AUTS2: variants seen among roughly 807,000 people sequenced by gnomAD.
AUTS2 encodes autism susceptibility gene 2 protein.
In AUTS2, 17 loss-of-function variants were observed where a neutral mutation model predicts 112.4. The observed-to-expected ratio is 0.15, with a 90% CI of 0.10 to 0.23. AUTS2 has a LOEUF of 0.23. Ranked by LOEUF, AUTS2 falls within the 10% of genes least tolerant of loss-of-function variation. The probability of loss-of-function intolerance (pLI) is 1.00; values close to 1 mark genes in which losing one functional copy is unlikely to be tolerated. For synonymous variants in AUTS2, 751 were observed against 702.7 expected, an observed-to-expected ratio of 1.07 and a Z score of -1.09; for missense variants, 1,510 against 1,701.6, an observed-to-expected ratio of 0.89 and a Z score of 1.98.
intron 4 of AUTS2, among the ~76,000 whole-genome samples, chr7:70,142,882 C>G (rs1427900136): frequency 6.6e-6 from 1 of 152,068 alleles, no homozygotes; most frequent in Non-Finnish European, 1.5e-5. Context: ...TTTGTTGATA[C>G]AAGCTATGTA....
At chr7:70,421,073 C>T (rs1053024954) in intron 4 of AUTS2, among the ~76,000 whole-genome samples, 1 of 152,072 alleles carries the variant, frequency 6.6e-6, no homozygotes, top group South Asian at 2.1e-4. Flanking sequence ...TACATTTCAC[C>T]TTCACCTTTA....
At chr7:70,106,264 C>T (rs1263595664) in intron 2 of AUTS2, among the ~76,000 whole-genome samples, 2 of 152,178 alleles carry the variant, frequency 1.3e-5, no homozygotes, top group Non-Finnish European at 2.9e-5. Flanking sequence ...ATAAGTGACA[C>T]AGGACAATGT....
At chr7:70,717,753 C>T (rs555831227) in intron 6 of AUTS2, among the ~76,000 whole-genome samples, 1 of 152,322 alleles carries the variant, frequency 6.6e-6, no homozygotes, top group African/African-American at 2.4e-5. Context: ...GGGTGCCAGT[C>T]AGCCTCAGGG....
At chr7:70,239,623 C>G (rs551483230) in intron 4 of AUTS2, among the ~76,000 whole-genome samples, 5 of 152,152 alleles carry the variant, frequency 3.3e-5, no homozygotes, top group African/African-American at 9.6e-5. Flanking sequence ...TTAGTAGAGA[C>G]AGGGTTTCCC....
In AUTS2 at chr7:70,435,843, C is replaced by T. The variant is rs1795872547; in HGVS notation, c.690+62C>T. ...TAACACACTGAACACCAGAGTCCTC[C>T]CACACACAGCTGCAGGGTAGGATGC... On this transcript the variant is annotated intron_variant, in intron 5 of 18. Transcript: ENST00000342771. 3 of 1,550,858 alleles carry T rather than the reference C, an allele frequency of 1.9e-6. No individual in the cohort carries two copies. The South Asian group carries it at 3.4e-5, about 17-fold the overall frequency.
intron 5 of AUTS2, among the ~76,000 whole-genome samples, chr7:70,625,207 C>A (rs1804875096): frequency 6.6e-6 from 1 of 152,152 alleles, no homozygotes; most frequent in Admixed American, 6.5e-5. Context: ...ACTAGGGGGT[C>A]ATCTCTGTTC....
At chr7:70,122,887 T>C (rs1805758401) in intron 3 of AUTS2, among the ~76,000 whole-genome samples, 1 of 149,238 alleles carries the variant, frequency 6.7e-6, no homozygotes, top group South Asian at 2.2e-4. Flanking sequence ...TTTTTTTTTT[T>C]TCCGTGACAC....
intron 5 of AUTS2, among the ~76,000 whole-genome samples, chr7:70,642,553 G>A (rs947394882): frequency 2.0e-5 from 3 of 152,034 alleles, no homozygotes; most frequent in Non-Finnish European, 4.4e-5. Flanking sequence ...TAAAGTCTTA[G>A]AAGAACTATG....
intron 1 of AUTS2, among the ~76,000 whole-genome samples, chr7:69,685,173 T>C (rs932416165): frequency 2.6e-5 from 4 of 152,228 alleles, no homozygotes; most frequent in African/African-American, 9.6e-5. Flanking sequence ...GCTACATTGC[T>C]CAAGCCACAG....
intron 5 of AUTS2, among the ~76,000 whole-genome samples, chr7:70,693,163 A>G (rs560337958): frequency 6.6e-6 from 1 of 152,270 alleles, no homozygotes; most frequent in South Asian, 2.1e-4. Flanking sequence ...ATGTTTTCAG[A>G]GGGTTTCCTC....
intron 1 of AUTS2, among the ~76,000 whole-genome samples, chr7:69,859,876 G>A (rs1280074024): frequency 6.6e-6 from 1 of 152,152 alleles, no homozygotes; most frequent in Non-Finnish European, 1.5e-5. Flanking sequence ...TTTAAGGACT[G>A]AAAATGACCT....
chr7:69,834,432 C>G (rs6460531), intron 1 of AUTS2, among the ~76,000 whole-genome samples: 13,054 of 152,224 alleles, frequency 0.086, 641 homozygotes, highest in East Asian at 0.13. Context: ...CTGAGCCACC[C>G]TTAGTGCTGG....
chr7:69,941,807 C>T (rs1020698649), intron 2 of AUTS2, among the ~76,000 whole-genome samples: 1 of 152,134 alleles, frequency 6.6e-6, no homozygotes, highest in African/African-American at 2.4e-5. Context: ...TTCTGCAACA[C>T]AGGAGTTTCT....
At chr7:70,148,944 C>A (rs1321244918) in intron 4 of AUTS2, among the ~76,000 whole-genome samples, 3 of 152,066 alleles carry the variant, frequency 2.0e-5, no homozygotes, top group African/African-American at 7.2e-5. Flanking sequence ...AAGATTTTAA[C>A]ATATTTCATT....
At chr7:70,346,767 C>A (rs753180092) in intron 4 of AUTS2, among the ~76,000 whole-genome samples, 3 of 152,164 alleles carry the variant, frequency 2.0e-5, no homozygotes, top group East Asian at 3.8e-4. Flanking sequence ...AGAGCACTCA[C>A]CAGGCACCCA....
intron 1 of AUTS2, among the ~76,000 whole-genome samples, chr7:69,603,906 G>A (rs989541190): frequency 3.3e-5 from 5 of 152,058 alleles, no homozygotes; most frequent in Non-Finnish European, 7.4e-5. Context: ...TTTTTTTTCT[G>A]TGTTGTGTCT....
At chr7:70,349,165 C>G (rs1431846555) in intron 4 of AUTS2, among the ~76,000 whole-genome samples, 3 of 152,088 alleles carry the variant, frequency 2.0e-5, no homozygotes, top group Non-Finnish European at 4.4e-5. Flanking sequence ...ACATCCCAGA[C>G]TTACAGGCAG....
chr7:69,641,006 C>T (rs1794776578), intron 1 of AUTS2, among the ~76,000 whole-genome samples: 1 of 152,030 alleles, frequency 6.6e-6, no homozygotes, highest in Non-Finnish European at 1.5e-5. Flanking sequence ...TTGCAAGTGA[C>T]CTAATAGCTA....
Position 70,665,451 on chromosome 7 carries a change from C to T in AUTS2, c.691-33118C>T, listed in dbSNP as rs28615424. Among the ~76,000 whole-genome samples, 1,310 of 147,102 alleles carry T rather than the reference C, an allele frequency of 8.9e-3. 43 individuals are homozygous for T. Among genetic ancestry groups the T allele is most frequent in the East Asian group, 0.068 (345 of 5,038 alleles). ...GCTGTTTATTTATTTATCTATTTATCTATTTATTTATTTATTTATTTATTT... is the reference window on the plus strand; with the variant it reads ...GCTGTTTATTTATTTATCTATTTATTTATTTATTTATTTATTTATTTATTT... On this transcript the variant is annotated intron_variant, in intron 5 of 18. Transcript: ENST00000342771.
Sources: allele counts gnomAD v4.1 joint callset (sites outside exome capture counted in the v4.1 genomes callset), GRCh38; gene constraint gnomAD v4.1.1; transcripts MANE v1.5; gene names NCBI Gene and HGNC (gene_info 2026-07-23, HGNC 2026-07-21).